RXRA: variants seen among roughly 807,000 people sequenced by gnomAD.
RXRA encodes retinoid X receptor alpha, also known as retinoic acid receptor RXR-alpha.
In RXRA, 5 loss-of-function variants were observed where a neutral mutation model predicts 44.5. The observed-to-expected ratio is 0.11, with a 90% CI of 0.06 to 0.24. The LOEUF (loss-of-function observed/expected upper bound fraction) is 0.24, where lower values mean the gene tolerates loss of function less well. RXRA is among the 10% of genes least tolerant of loss of function. The pLI is 1.00. For synonymous variants in RXRA, 291 were observed against 271.4 expected (o/e 1.07, Z -0.71); for missense variants, 412 against 646.5 (o/e 0.64, Z 3.93).
intron 1 of RXRA, among the ~76,000 whole-genome samples, chr9:134,350,776 T>G (rs1554749354): frequency 6.6e-6 from 1 of 152,238 alleles, no homozygotes; most frequent in Non-Finnish European, 1.5e-5. Context: ...GTGGCTCTGC[T>G]TTCCTCCCCA....
chr9:134,370,490 T>C (rs1297908801), intron 1 of RXRA, among the ~76,000 whole-genome samples: 1 of 152,256 alleles, frequency 6.6e-6, no homozygotes, highest in Non-Finnish European at 1.5e-5. Context: ...GGGCATCACC[T>C]CTACAGGACA....
chr9:134,409,001 C>T lies in RXRA; in HGVS notation c.492C>T (p.Arg164=). The change falls in exon 4 of 10, where the codon CGC becomes CGT. Residue 164 remains arginine (R), a synonymous_variant. Transcript: ENST00000481739. ...AGGGCTTCTTCAAGCGGACGGTGCG[C>T]AAGGACCTGACCTACACCTGCCGCG... ...GCKGFFKRTV[R]KDLTYTCRDN... The T allele has an allele frequency of 6.2e-7, 1 of 1,610,162 alleles. No homozygotes were observed.
At chr9:134,360,012 C>T (rs1316831777) in intron 1 of RXRA, among the ~76,000 whole-genome samples, 2 of 152,186 alleles carry the variant, frequency 1.3e-5, no homozygotes, top group Admixed American at 6.5e-5. Flanking sequence ...TGTGTAGGAC[C>T]GGGCGGGGAA....
chr9:134,339,735 CTATG>C (rs1288409797), intron 1 of RXRA, among the ~76,000 whole-genome samples: 3 of 118,294 alleles, frequency 2.5e-5, no homozygotes, highest in Admixed American at 8.6e-5. Flanking sequence ...GTGTGTGTGT[CTATG>C]TGTGAGATCC....
chr9:134,345,884 G>A lies in RXRA; in HGVS notation c.28+19225G>A, dbSNP rs563927672. Among the ~76,000 whole-genome samples, 7 of 152,298 alleles carry A rather than the reference G, an allele frequency of 4.6e-5. No homozygotes were observed. In the East Asian group the frequency reaches 1.4e-3, roughly 29 times the overall value. On this transcript the variant is annotated intron_variant, in intron 1 of 9. Coordinates refer to ENST00000481739, the MANE Select transcript of RXRA (RefSeq NM_002957.6). ...AACATGGAATGGGTACCCCCGGGTG[G>A]GACTGTGGCTGCTCCTGTGTCCAGA...
chr9:134,333,023 C>G (rs1014503489), intron 1 of RXRA, among the ~76,000 whole-genome samples: 1 of 152,122 alleles, frequency 6.6e-6, no homozygotes, highest in Admixed American at 6.5e-5. Context: ...GCTCCGGCCC[C>G]CCCTGCACTC....
intron 1 of RXRA, among the ~76,000 whole-genome samples, chr9:134,328,484 A>C (rs1554746287): frequency 6.6e-6 from 1 of 152,116 alleles, no homozygotes; most frequent in African/African-American, 2.4e-5. Flanking sequence ...CAAGGAAGCT[A>C]GGAGTCTTCT....
At chr9:134,406,755 T>C (rs1401117706) in intron 2 of RXRA, among the ~76,000 whole-genome samples, 2 of 152,244 alleles carry the variant, frequency 1.3e-5, no homozygotes. Flanking sequence ...GGCCAGCCCC[T>C]GACCTCCCTG....
intron 1 of RXRA, among the ~76,000 whole-genome samples, chr9:134,355,500 C>A (rs62576323): frequency 0.29 from 37,938 of 131,952 alleles, 5,349 homozygotes; most frequent in African/African-American, 0.42. Context: ...TTTTTGGTTA[C>A]TTTTTCCTTG....
chr9:134,419,041 G>A (rs762737612), intron 5 of RXRA, among the ~76,000 whole-genome samples: 11 of 152,184 alleles, frequency 7.2e-5, no homozygotes, highest in Non-Finnish European at 1.5e-4. Flanking sequence ...CTGGGGGCTG[G>A]GGCTGCCCAG....
intron 1 of RXRA, among the ~76,000 whole-genome samples, chr9:134,329,119 T>C (rs1236890321): frequency 2.0e-5 from 3 of 152,178 alleles, no homozygotes; most frequent in Admixed American, 6.5e-5. Context: ...CCAGACCCCA[T>C]GCGCCTGTGG....
chr9:134,334,755 G>A (rs1380646901), intron 1 of RXRA, among the ~76,000 whole-genome samples: 1 of 152,236 alleles, frequency 6.6e-6, no homozygotes, highest in Non-Finnish European at 1.5e-5. Context: ...CTGGGGACCA[G>A]CTCCCTGGGA....
chr9:134,353,346 G>C (rs1830244269), intron 1 of RXRA, among the ~76,000 whole-genome samples: 1 of 152,174 alleles, frequency 6.6e-6, no homozygotes, highest in Admixed American at 6.5e-5. Flanking sequence ...CCTTGGGCCA[G>C]CATACTGGAG....
chr9:134,337,329 C>T (rs951809328), intron 1 of RXRA, among the ~76,000 whole-genome samples: 27 of 152,202 alleles, frequency 1.8e-4, no homozygotes, highest in African/African-American at 5.1e-4. Flanking sequence ...TCTGTCCGTC[C>T]GTCCATCCAC....
intron 1 of RXRA, among the ~76,000 whole-genome samples, chr9:134,375,852 C>T (rs1306296507): frequency 1.3e-5 from 2 of 151,792 alleles, no homozygotes; most frequent in Admixed American, 1.3e-4. Context: ...TTCTGTAAAA[C>T]ACTCCCCCAA....
intron 1 of RXRA, among the ~76,000 whole-genome samples, chr9:134,334,126 T>C (rs3818739): frequency 0.38 from 58,473 of 152,222 alleles, 12,696 homozygotes; most frequent in African/African-American, 0.59. Flanking sequence ...CTGTGTTAGG[T>C]GTTGAGGCCG....
At chr9:134,398,703 G>T (rs1330315627) in intron 1 of RXRA, among the ~76,000 whole-genome samples, 1 of 152,248 alleles carries the variant, frequency 6.6e-6, no homozygotes, top group African/African-American at 2.4e-5. Context: ...GGAGCAGGGG[G>T]TGGGTGGAGA....
At position 134,343,844 on chromosome 9, in the gene RXRA, G is replaced by A. The variant is rs1830117054; in HGVS notation, c.28+17185G>A. Among the ~76,000 whole-genome samples the A allele has an allele frequency of 6.6e-6, 1 of 152,122 alleles. No homozygotes were observed. Among genetic ancestry groups the A allele is most frequent in the Admixed American group, 6.5e-5 (1 of 15,288 alleles). ...GAAGAGTGTTTCTTCCCGGAAGGCG[G>A]GGCCAGCTGGCTGGGTCAGCAGATG... On this transcript the variant is annotated intron_variant, in intron 1 of 9. Transcript: ENST00000481739. The surrounding 1 kb of genome is among the most constrained non-coding windows in gnomAD (Gnocchi z 4.1).
chr9:134,395,975 C>T (rs72768796), intron 1 of RXRA, among the ~76,000 whole-genome samples: 2 of 152,222 alleles, frequency 1.3e-5, no homozygotes, highest in South Asian at 2.1e-4. Flanking sequence ...GTGACAGGCC[C>T]GAGTCTTTGC....
Sources: allele counts gnomAD v4.1 joint callset (sites outside exome capture counted in the v4.1 genomes callset), GRCh38; gene constraint gnomAD v4.1.1; non-coding constraint Gnocchi (gnomAD v3.1); transcripts MANE v1.5; gene names NCBI Gene and HGNC (gene_info 2026-07-23, HGNC 2026-07-21).